The following REV3L variants were observed in gnomAD, a reference collection of about 807,000 sequenced individuals.
REV3L encodes the protein REV3 like, DNA directed polymerase zeta catalytic subunit, also known as DNA polymerase zeta catalytic subunit.
Under a neutral mutation model 299.4 loss-of-function variants are expected in REV3L, and 69 were observed. The ratio of observed to expected loss-of-function variants is 0.23; its 90% confidence interval spans 0.19 to 0.28. The LOEUF is 0.28. Among genes scored for constraint, REV3L ranks in the 10% least tolerant of loss-of-function variants. The pLI is 1.00. For synonymous variants in REV3L, 1,238 were observed against 1,271.4 expected, an observed-to-expected ratio of 0.97 and a Z score of 0.56; for missense variants, 3,128 against 3,693.8, an observed-to-expected ratio of 0.85 and a Z score of 3.97.
intron 1 of REV3L, among the ~76,000 whole-genome samples, chr6:111,453,660 A>T (rs1166351819): frequency 6.6e-6 from 1 of 152,146 alleles, no homozygotes; most frequent in Non-Finnish European, 1.5e-5. Context: ...TATCACAAGA[A>T]TATTTCCTTT....
intron 25 of REV3L, 41 bp from the exon 26 acceptor site, chr6:111,322,719 C>T (rs1774321522): frequency 7.0e-7 from 1 of 1,435,886 alleles, no homozygotes; most frequent in Non-Finnish European, 9.8e-7. Context: ...CTTAACATAG[C>T]TCAGTATAAG....
intron 16 of REV3L, chr6:111,361,419 C>CAAAA (rs71021837): frequency 1.0e-4 from 9 of 86,598 alleles, no homozygotes; most frequent in South Asian, 3.6e-4. Context: ...CACACACACA[C>CAAAA]AAAAAAAAAA....
rs746989986 is a variant in REV3L, at chr6:111,372,919, G to A, written c.5436C>T (p.Asp1812=). ...TTGCAGTAAAAGAGGTATTGGCTGA[G>A]TCAAGAGACTGTCCCATTTCTTTTC... ...HTRKEMGQSL[D]SANTSFTAIL... Residue 1812 remains aspartate (D), a synonymous_variant, in exon 13 of 32, where the codon GAC becomes GAT. Transcript: ENST00000368802. 1.2e-6 allele frequency: 2 copies of A among 1,614,092 alleles called. No individual in the cohort carries two copies. The highest frequency in any genetic ancestry group is 1.7e-6 in the Non-Finnish European group (2 of 1,180,010).
rs1198085288 is a variant in REV3L at position 111,303,678 on chromosome 6, T to A, written c.9253-3522A>T. On this transcript the variant is annotated intron_variant, in intron 31 of 31. Transcript: ENST00000368802. ...CATGATCCCCAGCCGAGGCTTTTTTTTTTTTTTTTTAACAGACTATGACTT... is the reference window on the plus strand; with the variant it reads ...CATGATCCCCAGCCGAGGCTTTTTTATTTTTTTTTTAACAGACTATGACTT... 2.3e-3 allele frequency among the ~76,000 whole-genome samples: 204 copies of A among 87,928 alleles called. 5 individuals are homozygous for A. The highest frequency in any genetic ancestry group is 5.7e-3 in the Non-Finnish European group (183 of 31,944). 57.7% of individuals were successfully genotyped at this position (87,928 alleles called of 152,430 possible).
At chr6:111,464,928 G>C (rs1330220291) in intron 1 of REV3L, among the ~76,000 whole-genome samples, 2 of 151,942 alleles carry the variant, frequency 1.3e-5, no homozygotes, top group Admixed American at 6.6e-5. Context: ...CTTGAACCTG[G>C]GAGACGGAGG....
At chr6:111,431,023 T>C (rs1786853084) in intron 1 of REV3L, 2 of 1,556,938 alleles carry the variant, frequency 1.3e-6, no homozygotes, top group Non-Finnish European at 1.8e-6. Context: ...TCCAGTGTTA[T>C]ATTTGAATTA....
rs144876851 is a variant in REV3L at position 111,373,912 on chromosome 6, T to C, written c.4443A>G (p.Leu1481=). ...AWEQKQRGFI[L]DMSNFKPERV... ...TTTCAGGTTTAAAATTTGACATATC[T>C]AAAATAAAGCCCCTTTGCTTTTGCT... The change falls in exon 13 of 32, where the codon TTA becomes TTG. Residue 1481 remains leucine, a synonymous_variant. Transcript: ENST00000368802. The C allele has an allele frequency of 4.3e-6, 7 of 1,613,980 alleles. No individual in the cohort carries two copies. The highest frequency in any genetic ancestry group is 5.9e-6 in the Non-Finnish European group (7 of 1,179,996).
In REV3L at chr6:111,482,956, T is replaced by TCCCTCCGCAGCGGCGGCGGCGCC. The variant is rs998779795; in HGVS notation, c.-91_-69dup. 6.9e-7 allele frequency: 1 copy of TCCCTCCGCAGCGGCGGCGGCGCC among 1,440,320 alleles called. No individual in the cohort carries two copies. Among genetic ancestry groups the TCCCTCCGCAGCGGCGGCGGCGCC allele is most frequent in the Admixed American group, 3.7e-5 (1 of 27,116 alleles). The allele number at this position is 1,440,320 out of a possible 1,614,324, so 89.2% of individuals were successfully genotyped here. A position where few individuals can be genotyped will look rare whatever the true frequency, so the allele number is the denominator to read the frequency against. On this transcript the variant is annotated 5_prime_UTR_variant, in exon 1 of 32. Transcript: ENST00000368802. The stretch of plus-strand genomic sequence containing the variant: ...CAGCGGCAGCAGCAGCGGCGGCGGC[T>TCCCTCCGCAGCGGCGGCGGCGCC]CCCTCCGCAGCGGCGGCGGCGCCCC...
intron 1 of REV3L, among the ~76,000 whole-genome samples, chr6:111,437,963 C>G (rs971333212): frequency 6.6e-6 from 1 of 152,124 alleles, no homozygotes; most frequent in African/African-American, 2.4e-5. Flanking sequence ...AGTGATCTTC[C>G]TGCTTCAGCC....
intron 4 of REV3L, among the ~76,000 whole-genome samples, chr6:111,397,998 G>T (rs1782702038): frequency 6.8e-6 from 1 of 147,122 alleles, no homozygotes; most frequent in South Asian, 2.3e-4. Context: ...TGAGAGTGGG[G>T]TGTTGAAGTC....
intron 1 of REV3L, among the ~76,000 whole-genome samples, chr6:111,469,541 A>G (rs1189861776): frequency 6.6e-6 from 1 of 152,086 alleles, no homozygotes; most frequent in South Asian, 2.1e-4. Flanking sequence ...TCCCATACCA[A>G]CTCTGGAATT....
rs759676670 is a variant in REV3L, at chr6:111,299,966, G to GTGGT, written c.*46_*49dup. ...AAAAAGCACCATGCACAACAGTTTA[G>GTGGT]TGGTAAGCACTGAAAAAAATAGCAC... On this transcript the variant is annotated 3_prime_UTR_variant, in exon 32 of 32. Coordinates refer to ENST00000368802, the MANE Select transcript of REV3L (RefSeq NM_001372078.1). 2 of 1,559,302 alleles carry GTGGT rather than the reference G, an allele frequency of 1.3e-6. No homozygotes were observed.
At chr6:111,410,725 A>G (rs2128279952) in intron 3 of REV3L, among the ~76,000 whole-genome samples, 1 of 152,308 alleles carries the variant, frequency 6.6e-6, no homozygotes, top group East Asian at 1.9e-4. Context: ...TGTTCTGGGC[A>G]GTCGTGCCCC....
intron 4 of REV3L, among the ~76,000 whole-genome samples, chr6:111,400,327 A>G (rs1310415913): frequency 2.6e-5 from 4 of 152,180 alleles, no homozygotes; most frequent in Admixed American, 2.0e-4. Flanking sequence ...CAAAGTGACT[A>G]TATTATTTTG....
At chr6:111,463,172 C>T (rs9400476) in intron 1 of REV3L, among the ~76,000 whole-genome samples, 49,207 of 151,930 alleles carry the variant, frequency 0.32, 10,186 homozygotes, top group African/African-American at 0.57. Context: ...GGTATAAGTA[C>T]CAGTATTTAC....
chr6:111,405,494 T>G lies in REV3L; in HGVS notation c.541A>C (p.Lys181Gln), dbSNP rs1327591220. 6.3e-7 allele frequency: 1 copy of G among 1,596,662 alleles called. No homozygotes were observed. The change falls in exon 4 of 32, where the codon AAG becomes CAG. Residue 181 changes from lysine (K) to glutamine (Q), a missense_variant. Lys to Gln is a moderately conservative substitution (Grantham distance 53). Transcript: ENST00000368802. ...CTTTTCCTTCTTGCTTTTCGGAACT[T>G]GACAGCAGCCAGATTTATTAAATTC... ...GMNLINLAAV[K>Q]FRKARRKSNT... is the part of the protein sequence containing the mutation.
chr6:111,483,543 CG>C, upstream of REV3L: 1 of 499,388 alleles, frequency 2.0e-6, no homozygotes, highest in Non-Finnish European at 3.9e-6. Context: ...CGCCAGTGTT[CG>C]GGGCCGTTTT....
At chr6:111,427,303 T>C (rs1786291058) in intron 1 of REV3L, among the ~76,000 whole-genome samples, 1 of 152,220 alleles carries the variant, frequency 6.6e-6, no homozygotes, top group East Asian at 1.9e-4. Context: ...GAAAAGACAA[T>C]GCACAGAATG....
chr6:111,311,012 T>G, intron 29 of REV3L, 57 bp downstream of exon 29: 1 of 1,433,886 alleles, frequency 7.0e-7, no homozygotes, highest in Non-Finnish European at 9.4e-7. Flanking sequence ...ATTTGGGTCT[T>G]CTAGACCTGT....
Sources: gnomAD v4.1 joint callset for allele counts (sites outside exome capture counted in the v4.1 genomes callset) on GRCh38, gnomAD v4.1.1 for gene constraint, MANE v1.5 for transcripts, NCBI Gene and HGNC (gene_info 2026-07-23, HGNC 2026-07-21) for gene names.